Variants in MTMR10 observed in about 807,000 individuals in gnomAD.
MTMR10 encodes myotubularin-related protein 10.
MTMR10 carries 56 observed loss-of-function variants against 88.1 expected under a neutral mutation model. The observed-to-expected ratio is 0.64, with a 90% CI of 0.51 to 0.79. The LOEUF (loss-of-function observed/expected upper bound fraction) is 0.79. MTMR10 is among the 30% of genes least tolerant of loss of function. The pLI, the probability that MTMR10 is intolerant of heterozygous loss-of-function variation, is 0.00. For missense variants in MTMR10, 883 were observed against 924.7 expected (o/e 0.95, Z 0.58); for synonymous variants, 380 against 340.9 (o/e 1.11, Z -1.26).
chr15:30,987,405 A>G (rs2031008672), intron 2 of MTMR10, among the ~76,000 whole-genome samples: 1 of 152,226 alleles, frequency 6.6e-6, no homozygotes, highest in Non-Finnish European at 1.5e-5. Context: ...GAAAGCTGAA[A>G]ATTACTAACA....
the MTMR10 span, among the ~76,000 whole-genome samples, chr15:30,931,083 A>C: frequency 6.6e-6 from 1 of 152,336 alleles, no homozygotes; most frequent in African/African-American, 2.4e-5. Flanking sequence ...TTGTAACTCA[A>C]AGGATAAATG....
At position 30,960,928 on chromosome 15, in the gene MTMR10, G is replaced by A. The variant is rs369259585; in HGVS notation, c.711C>T (p.Ser237=). 24 of 1,611,832 alleles carry A rather than the reference G, an allele frequency of 1.5e-5. No individual in the cohort carries two copies. Among genetic ancestry groups the A allele is most frequent in the East Asian group, 4.5e-5 (2 of 44,834 alleles). Reference sequence around the variant, plus strand: ...CGTTAATAGAACAAACTCTCCACCCGGAAGCACCTGTCCTCTTGATTTCTC... The same window carrying A: ...CGTTAATAGAACAAACTCTCCACCCAGAAGCACCTGTCCTCTTGATTTCTC... ...WDREIKRTGA[S]GWRVCSINEG... The change falls in exon 7 of 16, where the codon TCC becomes TCT. Residue 237 remains serine (S), a synonymous_variant. Transcript: ENST00000435680.
intron 11 of MTMR10, among the ~76,000 whole-genome samples, chr15:30,952,720 C>T (rs992854247): frequency 6.6e-6 from 1 of 152,002 alleles, no homozygotes. Context: ...TTGTGAACTA[C>T]TGGCCTCAAG....
chr15:30,924,908 C>T, the MTMR10 span, among the ~76,000 whole-genome samples: 58,683 of 152,136 alleles, frequency 0.39, 13,012 homozygotes, highest in East Asian at 0.8. Flanking sequence ...AGCCCGGTCA[C>T]GCTCCAGCAC....
chr15:30,925,292 G>T, the MTMR10 span: 1 of 1,613,458 alleles, frequency 6.2e-7, no homozygotes, highest in East Asian at 2.2e-5. Context: ...TGTGAAACAC[G>T]TGAGGAAAGA....
At chr15:30,925,704 G>T in the MTMR10 span, 1 of 1,458,376 alleles carries the variant, frequency 6.9e-7, no homozygotes, top group South Asian at 1.2e-5. Flanking sequence ...TGGTAAGGGA[G>T]GTCAATCCTC....
chr15:30,923,279 G>A, the MTMR10 span, among the ~76,000 whole-genome samples: 4 of 152,168 alleles, frequency 2.6e-5, no homozygotes, highest in Non-Finnish European at 5.9e-5. Context: ...ACCACTCGGT[G>A]TTTACTGAGG....
At chr15:30,949,332 C>A (rs1364327531) in intron 12 of MTMR10, 1 of 152,192 alleles carries the variant, frequency 6.6e-6, no homozygotes, top group Non-Finnish European at 1.5e-5. Flanking sequence ...ACTTCTCCAT[C>A]TCATTGAACT....
chr15:30,967,172 G>C (rs1376434436), intron 6 of MTMR10, among the ~76,000 whole-genome samples: 5 of 152,214 alleles, frequency 3.3e-5, no homozygotes, highest in Non-Finnish European at 2.9e-5. Flanking sequence ...AAGAACACAG[G>C]CTTCGCTCAG....
Position 30,985,907 on chromosome 15 carries a change from T to C in MTMR10, c.121+4870A>G, listed in dbSNP as rs566725191. On this transcript the variant is annotated intron_variant, in intron 2 of 15. Coordinates refer to ENST00000435680, the MANE Select transcript of MTMR10 (RefSeq NM_017762.3). ...ACATCCAGAGGCAGACCTGTGTTCA[T>C]GCTTGCAGTCCAGGGTGGGTTATTA... 3.3e-5 allele frequency among the ~76,000 whole-genome samples: 5 copies of C among 152,298 alleles called. No homozygotes were observed. The South Asian group carries it at 1.0e-3, about 32-fold the overall frequency.
At chr15:30,918,724 T>C in the MTMR10 span, among the ~76,000 whole-genome samples, 1 of 152,362 alleles carries the variant, frequency 6.6e-6, no homozygotes, top group African/African-American at 2.4e-5. Context: ...ACTTTCCAGG[T>C]ACACAGCACA....
At chr15:30,977,398 C>A (rs1304407245) in intron 2 of MTMR10, among the ~76,000 whole-genome samples, 1 of 152,214 alleles carries the variant, frequency 6.6e-6, no homozygotes, top group Non-Finnish European at 1.5e-5. Flanking sequence ...CAGAGCTCAG[C>A]TTCACTGAAT....
intron 5 of MTMR10, among the ~76,000 whole-genome samples, chr15:30,968,762 T>C (rs1006927592): frequency 6.6e-6 from 1 of 152,176 alleles, no homozygotes; most frequent in Non-Finnish European, 1.5e-5. Context: ...AAGTAATACC[T>C]AGGCTGTGGT....
At chr15:30,924,853 C>T in the MTMR10 span, among the ~76,000 whole-genome samples, 17 of 152,140 alleles carry the variant, frequency 1.1e-4, no homozygotes, top group African/African-American at 4.1e-4. Context: ...GGTTCACACC[C>T]TTTGTGAGGG....
rs2063064503 is a variant in MTMR10, at chr15:30,941,794, G to A, written c.2010C>T (p.Ile670=). ...AGGCTGTGATGGAGCCACCCAGGCT[G>A]ATCTGGGCCTCGGGAACCCAGCGGA... is the stretch of plus-strand genomic sequence containing the variant. The part of the protein sequence containing the change: ...CYFRWVPEAQ[I]SLGGSITAFH... The change falls in exon 16 of 16, where the codon ATC becomes ATT. Residue 670 remains isoleucine, a synonymous_variant. Transcript: ENST00000435680. The A allele has an allele frequency of 6.2e-7, 1 of 1,613,914 alleles. No homozygotes were observed.
intron 9 of MTMR10, 106 bp downstream of exon 9, chr15:30,958,757 T>A (rs762665179): frequency 2.5e-5 from 29 of 1,173,238 alleles, no homozygotes; most frequent in Non-Finnish European, 3.4e-5. Context: ...TGGTGCTAAC[T>A]AATTAGTAAG....
chr15:30,965,365 TA>T (rs1196441209), intron 6 of MTMR10, among the ~76,000 whole-genome samples: 2 of 152,256 alleles, frequency 1.3e-5, no homozygotes, highest in Non-Finnish European at 2.9e-5. Flanking sequence ...AACTTCAGAT[TA>T]CATCACAGCA....
chr15:30,965,417 T>G (rs1165110776), intron 6 of MTMR10, among the ~76,000 whole-genome samples: 2 of 152,350 alleles, frequency 1.3e-5, no homozygotes, highest in East Asian at 3.9e-4. Flanking sequence ...TTGCTGACAC[T>G]AGGCTGCAGA....
chr15:30,982,525 C>G (rs909542094), intron 2 of MTMR10, among the ~76,000 whole-genome samples: 1 of 152,052 alleles, frequency 6.6e-6, no homozygotes, highest in Non-Finnish European at 1.5e-5. Flanking sequence ...GAAAGAAGGA[C>G]TCTCTGGGCC....
Sources: allele counts gnomAD v4.1 joint callset (sites outside exome capture counted in the v4.1 genomes callset), GRCh38; gene constraint gnomAD v4.1.1; transcripts MANE v1.5; gene names NCBI Gene and HGNC (gene_info 2026-07-23, HGNC 2026-07-21).